SLC19A1: variants seen among roughly 807,000 people sequenced by gnomAD.
SLC19A1 encodes the protein reduced folate transporter.
In SLC19A1, 37 loss-of-function variants were observed where a neutral mutation model predicts 35.3. That is an observed-to-expected ratio of 1.05 (90% CI 0.81 to 1.38). The LOEUF (loss-of-function observed/expected upper bound fraction) is 1.38. Among genes scored for constraint, SLC19A1 ranks in the 40% most tolerant of loss-of-function variants. SLC19A1 has a pLI of 0.00. For synonymous variants in SLC19A1, 460 were observed against 398.5 expected (o/e 1.15, Z -1.84); for missense variants, 831 against 826.9 (o/e 1.00, Z -0.06).
In SLC19A1 at chr21:45,532,069, A is replaced by C; in HGVS notation, c.269T>G (p.Leu90Arg). 1.2e-6 allele frequency: 2 copies of C among 1,612,486 alleles called. No individual in the cohort carries two copies. Among genetic ancestry groups the C allele is most frequent in the Non-Finnish European group, 1.7e-6 (2 of 1,179,632 alleles). ...LVPVFLLTDY[L>R]RYTPVLLLQG... is the part of the protein sequence containing the mutation. ...CAGCAGCAGCACCGGCGTGTAGCGC[A>C]GGTAGTCGGTGAGCAGGAACACGGG... is the stretch of plus-strand genomic sequence containing the variant. Residue 90 changes from leucine (L) to arginine (R), a missense_variant, in exon 3 of 6, where the codon CTG (leucine) becomes CGG (arginine). Transcript: ENST00000311124.
downstream of SLC19A1, among the ~76,000 whole-genome samples, chr21:45,510,724 C>T (rs573812875): frequency 3.3e-5 from 5 of 152,280 alleles, no homozygotes; most frequent in East Asian, 5.8e-4. Context: ...CTGGGTGCCC[C>T]GGGGAGCACC....
chr21:45,526,473 G>A (rs534895071), intron 4 of SLC19A1, among the ~76,000 whole-genome samples: 12 of 151,938 alleles, frequency 7.9e-5, no homozygotes, highest in South Asian at 4.1e-4. Context: ...ACTTTTGACC[G>A]TGTTCTGAGA....
chr21:45,508,236 AGTGGGTGAGTGGATGGTGGACAG>A (rs1306803423), downstream of SLC19A1, among the ~76,000 whole-genome samples: 73 of 139,356 alleles, frequency 5.2e-4, no homozygotes, highest in Non-Finnish European at 6.6e-4. Flanking sequence ...ATAGTGGGTA[AGTGGGTGAGTGGATGGTGGACAG>A]GTGGGTGAGT....
At chr21:45,535,607 A>C (rs2078084823) in intron 2 of SLC19A1, among the ~76,000 whole-genome samples, 1 of 152,152 alleles carries the variant, frequency 6.6e-6, no homozygotes, top group Admixed American at 6.5e-5. Flanking sequence ...GGCAGGCTGC[A>C]GAGGAAGCAG....
At position 45,513,124 on chromosome 21, in the gene SLC19A1, C is replaced by T. The variant is rs2037704611; in HGVS notation, c.*2534G>A. The T allele has an allele frequency of 6.6e-6, 1 of 152,642 alleles. No individual in the cohort carries two copies. The highest frequency in any genetic ancestry group is 1.5e-5 in the Non-Finnish European group (1 of 68,366). The allele number at this position is 152,642 out of a possible 1,614,324, so 9.5% of individuals were successfully genotyped here. ...ATACATCCAAAGCAGACAGCTCCAC[C>T]CTGGCCGAGTCCAAGCTGGGAGATT... is the stretch of plus-strand genomic sequence containing the variant. On this transcript the variant is annotated 3_prime_UTR_variant, in exon 6 of 6. Transcript: ENST00000311124.
chr21:45,506,971 T>G, intron 3 of SLC19A1: 1 of 269,402 alleles, frequency 3.7e-6, no homozygotes, highest in South Asian at 3.6e-5. Flanking sequence ...CAGGTGTGCT[T>G]GTAGGCACCC....
At chr21:45,560,458 G>A (rs1222156141) in intron 1 of SLC19A1, among the ~76,000 whole-genome samples, 1 of 149,752 alleles carries the variant, frequency 6.7e-6, no homozygotes, top group African/African-American at 2.5e-5. Context: ...CCACGGTGGC[G>A]CCCACAGGAG....
At position 45,517,513 on chromosome 21, in the gene SLC19A1, C is replaced by T. The variant is rs976480091; in HGVS notation, c.1294-1373G>A. On this transcript the variant is annotated intron_variant, in intron 5 of 5. Coordinates refer to ENST00000311124, the MANE Select transcript of SLC19A1 (RefSeq NM_194255.4). This position sits in a 1 kb window ranked among gnomAD's most constrained non-coding sequence, Gnocchi z 4.4. ...AGTCAGCAGAGACCACAGGGAAGCC[C>T]AAGATGTCACCCCCAAAGCCTCATG... Among the ~76,000 whole-genome samples the T allele has an allele frequency of 6.6e-6, 1 of 150,968 alleles. No homozygotes were observed. The highest frequency in any genetic ancestry group is 1.5e-5 in the Non-Finnish European group (1 of 68,000).
intron 5 of SLC19A1, among the ~76,000 whole-genome samples, chr21:45,516,904 A>G (rs1303718076): frequency 6.6e-6 from 1 of 152,188 alleles, no homozygotes; most frequent in Non-Finnish European, 1.5e-5. Context: ...GCACCCTTCC[A>G]GGACAGCTGT....
chr21:45,526,980 G>A (rs2077642658), intron 4 of SLC19A1, among the ~76,000 whole-genome samples: 11 of 152,272 alleles, frequency 7.2e-5, no homozygotes. Context: ...GGACAGACCA[G>A]GTCACGGGCG....
intron 4 of SLC19A1, among the ~76,000 whole-genome samples, chr21:45,526,499 C>G (rs553637269): frequency 6.6e-6 from 1 of 152,296 alleles, no homozygotes; most frequent in African/African-American, 2.4e-5. Flanking sequence ...CAAACAAGGT[C>G]AGGTACAGGA....
intron 5 of SLC19A1, among the ~76,000 whole-genome samples, chr21:45,520,539 A>G (rs897527608): frequency 1.3e-5 from 2 of 152,250 alleles, no homozygotes; most frequent in African/African-American, 2.4e-5. Flanking sequence ...CTACATTTCT[A>G]TACACTAGCA....
At chr21:45,539,661 T>C (rs1254848409) in intron 1 of SLC19A1, among the ~76,000 whole-genome samples, 1 of 152,136 alleles carries the variant, frequency 6.6e-6, no homozygotes, top group African/African-American at 2.4e-5. Context: ...AGGAAAAAGG[T>C]GGCCTTCAGG....
chr21:45,534,843 G>A lies in SLC19A1; in HGVS notation c.190-2695C>T, dbSNP rs1052937687. ...CCAGCAGGGAGGTGGCATCTGTCAG[G>A]CGGCCACGACTCTGACACGAGGACA... On this transcript the variant is annotated intron_variant, in intron 2 of 5. Transcript: ENST00000311124. This position sits in a 1 kb window ranked among gnomAD's most constrained non-coding sequence, Gnocchi z 4.2. The A allele has an allele frequency of 2.7e-5, 15 of 564,046 alleles. No individual in the cohort carries two copies. The highest frequency in any genetic ancestry group is 4.4e-5 in the Non-Finnish European group (14 of 315,262). The allele number at this position is 564,046 out of a possible 1,614,324, so 34.9% of individuals were successfully genotyped here.
chr21:45,508,223 T>C (rs1382737041), downstream of SLC19A1, among the ~76,000 whole-genome samples: 1 of 138,514 alleles, frequency 7.2e-6, no homozygotes, highest in Admixed American at 7.2e-5. Flanking sequence ...AATGGGTGGG[T>C]GGATAGTGGG....
intron 1 of SLC19A1, among the ~76,000 whole-genome samples, chr21:45,538,722 G>C (rs1461201340): frequency 2.0e-5 from 3 of 149,584 alleles, no homozygotes; most frequent in Non-Finnish European, 2.9e-5. Flanking sequence ...CCCAGCCCCT[G>C]AGCCCAGGGA....
rs1246535180 is a variant in SLC19A1 at position 45,540,164 on chromosome 21, G to A, written c.-49-2156C>T. The stretch of plus-strand genomic sequence containing the variant: ...GCCCAGAGAGGCCACGGGTAGAGCT[G>A]GACATACCTCAGACCGCACCCACTC... On this transcript the variant is annotated intron_variant, in intron 1 of 5. Coordinates refer to ENST00000311124, the MANE Select transcript of SLC19A1 (RefSeq NM_194255.4). This position sits in a 1 kb window ranked among gnomAD's most constrained non-coding sequence, Gnocchi z 5.5. 1.3e-5 allele frequency among the ~76,000 whole-genome samples: 2 copies of A among 152,090 alleles called. No individual in the cohort carries two copies. Among genetic ancestry groups the A allele is most frequent in the African/African-American group, 2.4e-5 (1 of 41,372 alleles).
intron 1 of SLC19A1, among the ~76,000 whole-genome samples, chr21:45,560,505 G>A (rs911801895): frequency 1.3e-5 from 2 of 152,230 alleles, no homozygotes; most frequent in African/African-American, 2.4e-5. Context: ...TCTTGGAGAC[G>A]CCATGTGGGA....
At chr21:45,554,773 T>C (rs774722485) in intron 1 of SLC19A1, among the ~76,000 whole-genome samples, 117 of 151,718 alleles carry the variant, frequency 7.7e-4, no homozygotes, top group Non-Finnish European at 1.3e-3. Context: ...ATTTTTACTA[T>C]TATTGTTATG....
Sources: allele counts gnomAD v4.1 joint callset (sites outside exome capture counted in the v4.1 genomes callset), GRCh38; gene constraint gnomAD v4.1.1; non-coding constraint Gnocchi (gnomAD v3.1); transcripts MANE v1.5; gene names NCBI Gene and HGNC (gene_info 2026-07-23, HGNC 2026-07-21).